Variants in FARS2 observed in about 807,000 individuals in gnomAD.
The protein encoded by FARS2 is phenylalanine--tRNA ligase, mitochondrial.
FARS2 carries 40 observed loss-of-function variants against 46.4 expected under a neutral mutation model. The ratio of observed to expected loss-of-function variants is 0.86; its 90% CI spans 0.67 to 1.12. The LOEUF (loss-of-function observed/expected upper bound fraction) is 1.12. Among genes scored for constraint, FARS2 ranks in the 50% most tolerant of loss-of-function variants. The pLI is 0.00. For missense variants in FARS2, 513 were observed against 567.9 expected (o/e 0.90, Z 0.98); for synonymous variants, 234 against 214.9 (o/e 1.09, Z -0.78).
At chr6:5,534,098 T>G (rs1182507822) in intron 4 of FARS2, among the ~76,000 whole-genome samples, 3 of 152,138 alleles carry the variant, frequency 2.0e-5, no homozygotes, top group African/African-American at 7.2e-5. Context: ...TGAAGTCCAT[T>G]GAAATGATTG....
At chr6:5,275,361 A>G (rs1766263598) in intron 1 of FARS2, among the ~76,000 whole-genome samples, 1 of 152,116 alleles carries the variant, frequency 6.6e-6, no homozygotes, top group South Asian at 2.1e-4. Context: ...TTTTATCATT[A>G]TTTCTTATGA....
At chr6:5,331,029 CA>C (rs1770762811) in intron 1 of FARS2, among the ~76,000 whole-genome samples, 1 of 151,034 alleles carries the variant, frequency 6.6e-6, no homozygotes, top group African/African-American at 2.4e-5. Flanking sequence ...TGTTTGAGCC[CA>C]GGAGGTCAAG....
intron 6 of FARS2, among the ~76,000 whole-genome samples, chr6:5,638,182 A>T (rs916288175): frequency 2.6e-5 from 4 of 152,214 alleles, no homozygotes; most frequent in Admixed American, 1.3e-4. Flanking sequence ...AAACAATGAT[A>T]TGCTTGGCTC....
intron 4 of FARS2, among the ~76,000 whole-genome samples, chr6:5,458,257 C>T (rs1765022682): frequency 6.6e-6 from 1 of 152,154 alleles, no homozygotes; most frequent in African/African-American, 2.4e-5. Context: ...GCAGTCCTGG[C>T]TTGGCAGGAA....
At chr6:5,663,920 A>G (rs1389883033) in intron 6 of FARS2, among the ~76,000 whole-genome samples, 3 of 152,296 alleles carry the variant, frequency 2.0e-5, no homozygotes, top group Non-Finnish European at 4.4e-5. Context: ...GCAGGCAGAA[A>G]GGATGGATGC....
intron 5 of FARS2, among the ~76,000 whole-genome samples, chr6:5,557,956 A>G (rs1771761569): frequency 6.6e-6 from 1 of 152,126 alleles, no homozygotes; most frequent in Non-Finnish European, 1.5e-5. Flanking sequence ...TATATTGGTC[A>G]AAAGGAAAAG....
At chr6:5,529,133 T>C (rs940183967) in intron 4 of FARS2, among the ~76,000 whole-genome samples, 9 of 152,202 alleles carry the variant, frequency 5.9e-5, no homozygotes, top group African/African-American at 2.2e-4. Flanking sequence ...AACTTTAGTT[T>C]TCTTATCTAT....
At chr6:5,709,061 A>G (rs1467996639) in intron 6 of FARS2, among the ~76,000 whole-genome samples, 1 of 152,218 alleles carries the variant, frequency 6.6e-6, no homozygotes, top group Non-Finnish European at 1.5e-5. Flanking sequence ...AAGAAGCTCC[A>G]TGTCTGAAAC....
intron 6 of FARS2, among the ~76,000 whole-genome samples, chr6:5,697,676 T>C (rs1304837440): frequency 6.6e-6 from 1 of 152,200 alleles, no homozygotes; most frequent in Non-Finnish European, 1.5e-5. Context: ...AAATTGATGA[T>C]TCACCTTTGA....
At chr6:5,328,387 G>A (rs113881657) in intron 1 of FARS2, among the ~76,000 whole-genome samples, 1,654 of 152,246 alleles carry the variant, frequency 0.011, 12 homozygotes, top group Non-Finnish European at 0.016. Context: ...TACAAAGTTA[G>A]GGGGTTTTGT....
intron 2 of FARS2, among the ~76,000 whole-genome samples, chr6:5,381,991 T>A (rs368964244): frequency 6.6e-6 from 1 of 152,238 alleles, no homozygotes; most frequent in East Asian, 1.9e-4. Flanking sequence ...GGCGGACAGA[T>A]AGCCAAAGAG....
chr6:5,705,710 C>T (rs985839487), intron 6 of FARS2, among the ~76,000 whole-genome samples: 6 of 152,156 alleles, frequency 3.9e-5, no homozygotes, highest in African/African-American at 7.2e-5. Context: ...AGTCTCTGCT[C>T]GAGCCATTTG....
chr6:5,712,505 A>G (rs1759235798), intron 6 of FARS2, among the ~76,000 whole-genome samples: 1 of 152,040 alleles, frequency 6.6e-6, no homozygotes, highest in Non-Finnish European at 1.5e-5. Flanking sequence ...CGTTTCCCCT[A>G]CTGTTCACCT....
intron 4 of FARS2, among the ~76,000 whole-genome samples, chr6:5,533,933 A>G (rs1770022132): frequency 6.6e-6 from 1 of 152,204 alleles, no homozygotes; most frequent in Non-Finnish European, 1.5e-5. Context: ...TGTTAAGCAA[A>G]ATTATTCTGC....
chr6:5,449,206 G>A (rs1449667219), intron 4 of FARS2, among the ~76,000 whole-genome samples: 1 of 151,936 alleles, frequency 6.6e-6, no homozygotes, highest in Non-Finnish European at 1.5e-5. Context: ...AAAATTAGCT[G>A]GGTGTGTTGG....
Position 5,431,104 on chromosome 6 carries a change from T to A in FARS2, c.836T>A (p.Ile279Asn). 1 of 1,613,958 alleles carries A rather than the reference T, an allele frequency of 6.2e-7. No homozygotes were observed. Among genetic ancestry groups the A allele is most frequent in the Non-Finnish European group, 8.5e-7 (1 of 1,179,864 alleles). The part of the protein sequence containing the change: ...PFTHPSFEME[I>N]NFHGEWLEVL... Reference sequence around the variant, plus strand: ...ACACATCCTTCCTTTGAGATGGAGATCAACTTTCATGGAGAATGGCTGGAA... The same window carrying A: ...ACACATCCTTCCTTTGAGATGGAGAACAACTTTCATGGAGAATGGCTGGAA... The change falls in exon 4 of 7, where the codon ATC (isoleucine) becomes AAC (asparagine). Residue 279 changes from isoleucine to asparagine, a missense_variant. Physicochemically the swap from Ile to Asn is moderately radical, Grantham distance 149 (BLOSUM62 -3). Coordinates refer to ENST00000274680, the MANE Select transcript of FARS2 (RefSeq NM_006567.5).
chr6:5,607,285 ATGTGTG>A (rs200898031), intron 5 of FARS2, among the ~76,000 whole-genome samples: 265 of 75,048 alleles, frequency 3.5e-3, no homozygotes, highest in Middle Eastern at 9.3e-3. Context: ...AATAATATGT[ATGTGTG>A]TGTGTGTGTG....
intron 5 of FARS2, among the ~76,000 whole-genome samples, chr6:5,588,417 T>C (rs1400525095): frequency 6.6e-6 from 1 of 152,146 alleles, no homozygotes; most frequent in Non-Finnish European, 1.5e-5. Flanking sequence ...TGTAGACAAA[T>C]TGTTCAGATT....
At chr6:5,647,162 G>T (rs966738813) in intron 6 of FARS2, among the ~76,000 whole-genome samples, 3 of 152,156 alleles carry the variant, frequency 2.0e-5, no homozygotes, top group African/African-American at 2.4e-5. Context: ...GTCAGGGAGG[G>T]TCTTCACCTT....
Sources: allele counts gnomAD v4.1 joint callset (sites outside exome capture counted in the v4.1 genomes callset), GRCh38; gene constraint gnomAD v4.1.1; transcripts MANE v1.5; gene names NCBI Gene and HGNC (gene_info 2026-07-23, HGNC 2026-07-21).